The following CDH12 variants were observed in gnomAD, a reference collection of about 807,000 sequenced individuals.
CDH12 encodes the protein cadherin 12, also known as cadherin-12.
A neutral mutation model predicts 74.1 loss-of-function variants in CDH12; 41 were observed. That is an observed-to-expected ratio of 0.55 (90% CI 0.43 to 0.72). The LOEUF (loss-of-function observed/expected upper bound fraction) is 0.72, where lower values mean the gene tolerates loss of function less well. CDH12 is among the 30% of genes least tolerant of loss of function. CDH12 has a pLI of 0.00. For synonymous variants in CDH12, 399 were observed against 355.0 expected, an observed-to-expected ratio of 1.12 and a Z score of -1.39; for missense variants, 945 against 977.2, an observed-to-expected ratio of 0.97 and a Z score of 0.44.
chr5:21,951,494 C>T (rs1394771978), intron 6 of CDH12, among the ~76,000 whole-genome samples: 2 of 151,436 alleles, frequency 1.3e-5, no homozygotes, highest in Non-Finnish European at 2.9e-5. Flanking sequence ...GTGATTGGCC[C>T]GCATCAGCCT....
chr5:22,634,923 C>T (rs996069319), intron 1 of CDH12, among the ~76,000 whole-genome samples: 1 of 151,658 alleles, frequency 6.6e-6, no homozygotes, highest in Admixed American at 6.6e-5. Flanking sequence ...GATGACAATA[C>T]TCCCCAAATT....
chr5:22,475,417 G>A lies in CDH12; in HGVS notation c.-428+29853C>T, dbSNP rs192389641. Among the ~76,000 whole-genome samples the A allele has an allele frequency of 4.5e-3, 688 of 151,786 alleles. 11 individuals carry two copies. The highest frequency in any genetic ancestry group is 0.016 in the African/African-American group (666 of 41,424). ...TCTGGGTCTGTAATTTATATTTTAG[G>A]TGAAAGGTATTAGAATATGTGAAAG... On this transcript the variant is annotated intron_variant, in intron 2 of 14. Coordinates refer to ENST00000382254, the MANE Select transcript of CDH12 (RefSeq NM_004061.5).
rs552791264 is a variant in CDH12, at chr5:21,841,756, G to A, written c.814+405C>T. On this transcript the variant is annotated intron_variant, in intron 8 of 14. Transcript: ENST00000382254. ...CATCATTCTCAGTAAACTATCGCAA[G>A]AACAAAAAACCAAACACCACATATT... is the stretch of plus-strand genomic sequence containing the variant. 3.0e-3 allele frequency among the ~76,000 whole-genome samples: 447 copies of A among 150,924 alleles called. 5 individuals are homozygous for A. Among genetic ancestry groups the A allele is most frequent in the Non-Finnish European group, 4.7e-3 (319 of 67,842 alleles).
At chr5:22,717,967 T>C (rs1402979600) in intron 1 of CDH12, among the ~76,000 whole-genome samples, 1 of 152,228 alleles carries the variant, frequency 6.6e-6, no homozygotes, top group African/African-American at 2.4e-5. Flanking sequence ...GAGATAATTT[T>C]CTGTCTTTTG....
intron 4 of CDH12, among the ~76,000 whole-genome samples, chr5:22,164,775 G>A (rs1239182109): frequency 7.0e-6 from 1 of 143,812 alleles, no homozygotes; most frequent in Non-Finnish European, 1.5e-5. Flanking sequence ...GGACAGCTGT[G>A]AGCTCAGTTG....
At chr5:21,870,172 G>A (rs555812799) in intron 6 of CDH12, among the ~76,000 whole-genome samples, 3 of 152,220 alleles carry the variant, frequency 2.0e-5, no homozygotes, top group African/African-American at 7.2e-5. Flanking sequence ...ATGTGAAACT[G>A]TAAGTTCAAT....
At chr5:22,018,428 A>G (rs1737745527) in intron 5 of CDH12, among the ~76,000 whole-genome samples, 1 of 151,766 alleles carries the variant, frequency 6.6e-6, no homozygotes, top group South Asian at 2.1e-4. Flanking sequence ...AACTCAAAAA[A>G]TAATGTGATC....
At chr5:21,787,184 G>A (rs1333522001) in intron 10 of CDH12, among the ~76,000 whole-genome samples, 2 of 152,134 alleles carry the variant, frequency 1.3e-5, no homozygotes, top group Non-Finnish European at 1.5e-5. Flanking sequence ...TCCATTGTAG[G>A]TAAATGCTAC....
At chr5:21,806,673 T>C (rs1747443262) in intron 9 of CDH12, among the ~76,000 whole-genome samples, 3 of 152,180 alleles carry the variant, frequency 2.0e-5, no homozygotes, top group Admixed American at 2.0e-4. Flanking sequence ...CTCATGTCAG[T>C]AATTTTTCAG....
At chr5:22,058,379 A>G (rs961353747) in intron 5 of CDH12, among the ~76,000 whole-genome samples, 2 of 152,068 alleles carry the variant, frequency 1.3e-5, no homozygotes, top group South Asian at 2.1e-4. Context: ...TTAAAGCTAT[A>G]CCACTGGTTC....
At chr5:21,760,347 C>T (rs1462571850) in intron 13 of CDH12, among the ~76,000 whole-genome samples, 1 of 152,024 alleles carries the variant, frequency 6.6e-6, no homozygotes, top group Admixed American at 6.6e-5. Flanking sequence ...GAGAGACTGT[C>T]CACATTTACA....
Position 21,905,137 on chromosome 5 carries a change from C to T in CDH12, c.527-50347G>A, listed in dbSNP as rs140494942. Among the ~76,000 whole-genome samples the T allele has an allele frequency of 4.7e-3, 713 of 152,174 alleles. 3 individuals carry two copies. Among genetic ancestry groups the T allele is most frequent in the African/African-American group, 0.016 (675 of 41,530 alleles). On this transcript the variant is annotated intron_variant, in intron 6 of 14. Transcript: ENST00000382254. ...ATCAAAAATAGGTTTAAGTGGGTGCCGTAGAGCACAGGAAATGTGTGCGGT... is the reference window on the plus strand; with the variant it reads ...ATCAAAAATAGGTTTAAGTGGGTGCTGTAGAGCACAGGAAATGTGTGCGGT...
chr5:22,043,107 T>G (rs747444684), intron 5 of CDH12, among the ~76,000 whole-genome samples: 2 of 151,930 alleles, frequency 1.3e-5, no homozygotes, highest in African/African-American at 2.4e-5. Context: ...AGACCAGAAT[T>G]AACCTGATAC....
intron 1 of CDH12, among the ~76,000 whole-genome samples, chr5:22,570,494 G>A (rs959444268): frequency 1.3e-5 from 2 of 151,980 alleles, no homozygotes; most frequent in African/African-American, 4.8e-5. Flanking sequence ...GTGACCAGAT[G>A]CAATGTCTAT....
chr5:22,405,711 T>C (rs1742913516), intron 2 of CDH12, among the ~76,000 whole-genome samples: 1 of 152,190 alleles, frequency 6.6e-6, no homozygotes, highest in African/African-American at 2.4e-5. Flanking sequence ...ACAGACCTGG[T>C]AGCTCATAAG....
At chr5:22,665,985 C>T (rs1419280862) in intron 1 of CDH12, among the ~76,000 whole-genome samples, 1 of 152,150 alleles carries the variant, frequency 6.6e-6, no homozygotes, top group Non-Finnish European at 1.5e-5. Context: ...AAACCTCCAG[C>T]CCAGACGCTT....
Position 22,078,472 on chromosome 5 carries a change from C to A in CDH12, c.205G>T (p.Gly69Cys). Reference protein sequence around the residue: ...NQFFVLEEYVGSEPQYVGKLH... With the variant: ...NQFFVLEEYVCSEPQYVGKLH... Reference sequence around the variant, plus strand: ...TTTCCCACATACTGAGGCTCGGAGCCCACGTATTCTTCCAGCACAAAAAAT... The same window carrying A: ...TTTCCCACATACTGAGGCTCGGAGCACACGTATTCTTCCAGCACAAAAAAT... Residue 69 changes from glycine (G) to cysteine (C), a missense_variant, in exon 5 of 15, where the codon GGC becomes TGC. Around this residue, in one of 3 missense-constraint regions of CDH12, gnomAD observed 148 missense variants for 162.8 expected, o/e 0.91. Transcript: ENST00000382254. 6.2e-7 allele frequency: 1 copy of A among 1,613,776 alleles called. No individual in the cohort carries two copies. Among genetic ancestry groups the A allele is most frequent in the Non-Finnish European group, 8.5e-7 (1 of 1,179,816 alleles).
chr5:21,935,050 T>C (rs914510490), intron 6 of CDH12, among the ~76,000 whole-genome samples: 2 of 152,178 alleles, frequency 1.3e-5, no homozygotes, highest in Non-Finnish European at 2.9e-5. Context: ...CCTCCCAAAG[T>C]GGTGGGATTA....
intron 3 of CDH12, among the ~76,000 whole-genome samples, chr5:22,236,486 A>T (rs1752563540): frequency 6.6e-6 from 1 of 152,148 alleles, no homozygotes. Context: ...TAATCCCGGC[A>T]CTTTGGGAGG....
Sources: allele counts gnomAD v4.1 joint callset (sites outside exome capture counted in the v4.1 genomes callset), GRCh38; gene constraint gnomAD v4.1.1; regional missense constraint gnomAD v4.1.1; transcripts MANE v1.5; gene names NCBI Gene and HGNC (gene_info 2026-07-23, HGNC 2026-07-21).